The following OR3A2 variants were observed in gnomAD, a reference collection of about 807,000 sequenced individuals.
OR3A2 encodes olfactory receptor 3A2.
For missense variants in OR3A2, 318 were observed against 392.8 expected, an observed-to-expected ratio of 0.81 and a Z score of 1.61; for synonymous variants, 126 against 159.3, an observed-to-expected ratio of 0.79 and a Z score of 1.57.
intron 3 of OR3A2, among the ~76,000 whole-genome samples, chr17:3,330,618 G>A (rs1291413203): frequency 6.6e-6 from 1 of 152,046 alleles, no homozygotes; most frequent in Non-Finnish European, 1.5e-5. Flanking sequence ...CTACACGTGA[G>A]ATGGGTTTCC....
At position 3,324,066 on chromosome 17, in the gene OR3A2, C is replaced by CT. The variant is rs1300671692; in HGVS notation, c.-85+11966dup. On this transcript the variant is annotated intron_variant, in intron 3 of 4. Coordinates refer to the OR3A2 transcript ENST00000573491. ...GAGGCTTTGTTCATTTCTTTTTGTTCTTTTTTCTCTAAACTTCTCTTCTCC... is the reference window on the plus strand; with the variant it reads ...GAGGCTTTGTTCATTTCTTTTTGTTCTTTTTTTCTCTAAACTTCTCTTCTCC... Among the ~76,000 whole-genome samples the CT allele has an allele frequency of 5.3e-5, 8 of 152,094 alleles. 1 individual carries two copies. The highest frequency in any genetic ancestry group is 1.9e-4 in the African/African-American group (8 of 41,436).
chr17:3,370,773 G>A (rs1049497146), intron 2 of OR3A2, among the ~76,000 whole-genome samples: 58 of 151,420 alleles, frequency 3.8e-4, no homozygotes, highest in Non-Finnish European at 7.4e-4. Flanking sequence ...GGACCCTGCG[G>A]CCTTCCGCAG....
At chr17:3,312,749 C>T (rs909293442) in intron 3 of OR3A2, among the ~76,000 whole-genome samples, 16 of 152,110 alleles carry the variant, frequency 1.1e-4, no homozygotes, top group Non-Finnish European at 4.4e-5. Flanking sequence ...CTTAGCCTCC[C>T]GATAGCTGGG....
chr17:3,322,155 T>C (rs2049129158), intron 3 of OR3A2, among the ~76,000 whole-genome samples: 1 of 152,204 alleles, frequency 6.6e-6, no homozygotes, highest in African/African-American at 2.4e-5. Context: ...CTAGTTTATT[T>C]GCGTAGAGGT....
intron 2 of OR3A2, among the ~76,000 whole-genome samples, chr17:3,344,051 T>C (rs1287471541): frequency 1.3e-5 from 2 of 152,202 alleles, no homozygotes; most frequent in Non-Finnish European, 2.9e-5. Context: ...CACCTTGTTT[T>C]GATTTTTCCA....
At chr17:3,315,648 T>G (rs558501935) in intron 3 of OR3A2, among the ~76,000 whole-genome samples, 1 of 152,218 alleles carries the variant, frequency 6.6e-6, no homozygotes, top group South Asian at 2.1e-4. Context: ...TGTCTGTTTA[T>G]TCTGCTGATG....
At chr17:3,378,516 G>C (rs1380257611) in intron 2 of OR3A2, among the ~76,000 whole-genome samples, 1 of 152,102 alleles carries the variant, frequency 6.6e-6, no homozygotes, top group East Asian at 1.9e-4. Flanking sequence ...AGCCACGGCT[G>C]GGCAGCTGCA....
chr17:3,280,429 G>A (rs1474029477), intron 1 of OR3A2, among the ~76,000 whole-genome samples: 2 of 151,574 alleles, frequency 1.3e-5, no homozygotes, highest in Admixed American at 6.6e-5. Flanking sequence ...CCACCACCAC[G>A]CCCGGCTAAT....
In OR3A2 at chr17:3,327,967, G is replaced by A. The variant is rs1373168737; in HGVS notation, c.-85+8066C>T. On this transcript the variant is annotated intron_variant, in intron 3 of 4. Coordinates refer to the OR3A2 transcript ENST00000573491. Reference sequence around the variant, plus strand: ...CTGTTTTGGTTACTGTAGCCTTGTAGTATAGTTTGAAGTCAGGTAGTGTGA... The same window carrying A: ...CTGTTTTGGTTACTGTAGCCTTGTAATATAGTTTGAAGTCAGGTAGTGTGA... Among the ~76,000 whole-genome samples, 4 of 128,344 alleles carry A rather than the reference G, an allele frequency of 3.1e-5. No homozygotes were observed. In the East Asian group the frequency reaches 8.6e-4, roughly 28 times the overall value. 84.2% of individuals were successfully genotyped at this position (128,344 alleles called of 152,430 possible).
intron 3 of OR3A2, among the ~76,000 whole-genome samples, chr17:3,297,881 A>T (rs551283684): frequency 9.8e-4 from 149 of 152,098 alleles, no homozygotes; most frequent in Non-Finnish European, 1.8e-3. Context: ...GATTGATACG[A>T]TTTAAGGGAG....
chr17:3,373,740 A>G (rs2049654432), intron 2 of OR3A2, among the ~76,000 whole-genome samples: 1 of 151,978 alleles, frequency 6.6e-6, no homozygotes, highest in Admixed American at 6.5e-5. Flanking sequence ...GTGGATTTTT[A>G]TTCATTCTTC....
intron 2 of OR3A2, among the ~76,000 whole-genome samples, chr17:3,367,995 T>C (rs928606202): frequency 6.6e-6 from 1 of 152,214 alleles, no homozygotes; most frequent in Non-Finnish European, 1.5e-5. Flanking sequence ...TAATTAGTGA[T>C]GTTGAGCATT....
chr17:3,345,965 C>T (rs1352417109), intron 2 of OR3A2, among the ~76,000 whole-genome samples: 2 of 152,148 alleles, frequency 1.3e-5, no homozygotes, highest in Non-Finnish European at 2.9e-5. Flanking sequence ...AGGGGCGTGT[C>T]AGTTTTCACA....
chr17:3,298,876 G>C (rs1449295608), intron 3 of OR3A2, among the ~76,000 whole-genome samples: 1 of 152,294 alleles, frequency 6.6e-6, no homozygotes, highest in South Asian at 2.1e-4. Context: ...ATCCACTGCC[G>C]TGTCAGCCTC....
chr17:3,277,673 T>G, exon 2 of OR3A2: 1 of 311,720 alleles, frequency 3.2e-6, no homozygotes, highest in Non-Finnish European at 5.9e-6. Context: ...GTGGTATATA[T>G]GATGCTTATT....
At chr17:3,293,665 A>G (rs1237136006) in intron 3 of OR3A2, among the ~76,000 whole-genome samples, 2 of 152,222 alleles carry the variant, frequency 1.3e-5, no homozygotes, top group Non-Finnish European at 2.9e-5. Flanking sequence ...TTGCCAATGA[A>G]CATATGAAAA....
At chr17:3,379,230 G>T (rs555782139) in intron 2 of OR3A2, among the ~76,000 whole-genome samples, 19 of 152,314 alleles carry the variant, frequency 1.2e-4, no homozygotes, top group African/African-American at 4.3e-4. Flanking sequence ...GAGAGAACAA[G>T]ACTGTCCTCA....
chr17:3,338,160 T>G (rs1395431904), intron 2 of OR3A2, among the ~76,000 whole-genome samples: 1 of 152,240 alleles, frequency 6.6e-6, no homozygotes, highest in African/African-American at 2.4e-5. Flanking sequence ...CTTTGTAGAT[T>G]CTGGACATTA....
intron 1 of OR3A2, among the ~76,000 whole-genome samples, chr17:3,384,390 A>T (rs150190463): frequency 6.6e-6 from 1 of 152,260 alleles, no homozygotes; most frequent in African/African-American, 2.4e-5. Flanking sequence ...TCATGTGCGG[A>T]TGTTTTACTC....
Sources: allele counts gnomAD v4.1 joint callset (sites outside exome capture counted in the v4.1 genomes callset), GRCh38; gene constraint gnomAD v4.1.1; transcripts MANE v1.5; gene names NCBI Gene and HGNC (gene_info 2026-07-23, HGNC 2026-07-21).